The following PLAC1 variants were observed in gnomAD, a reference collection of about 807,000 sequenced individuals.
PLAC1 encodes placenta associated 1.
For synonymous variants in PLAC1, 68 were observed against 62.1 expected, an observed-to-expected ratio of 1.09 and a Z score of -0.44; for missense variants, 136 against 163.2, an observed-to-expected ratio of 0.83 and a Z score of 0.91.
intron 1 of PLAC1, among the ~76,000 whole-genome samples, chrX:134,651,723 C>T (rs1319862970): frequency 9.7e-6 from 1 of 102,683 alleles, no homozygotes; most frequent in Non-Finnish European, 2.0e-5. Context: ...CACCCCCTCA[C>T]CTTTTTCCCC....
intron 1 of PLAC1, among the ~76,000 whole-genome samples, chrX:134,738,041 T>G (rs1358773155): frequency 8.1e-5 from 9 of 111,739 alleles, no homozygotes; most frequent in African/African-American, 2.9e-4. Context: ...ACCAGTGCAC[T>G]TAACCTTCTT....
intron 1 of PLAC1, among the ~76,000 whole-genome samples, chrX:134,749,950 C>A (rs1220062172): frequency 9.0e-6 from 1 of 111,453 alleles, no homozygotes; most frequent in Non-Finnish European, 1.9e-5. Flanking sequence ...GCTTGGAGAA[C>A]AAGCAATGGA....
intron 1 of PLAC1, among the ~76,000 whole-genome samples, chrX:134,611,171 C>T (rs896639772): frequency 6.3e-5 from 7 of 111,058 alleles, no homozygotes; most frequent in African/African-American, 1.6e-4. Flanking sequence ...TCAGCCACCA[C>T]GCTTGGCCTA....
At chrX:134,600,075 G>C (rs1306410440) in intron 2 of PLAC1, among the ~76,000 whole-genome samples, 2 of 110,538 alleles carry the variant, frequency 1.8e-5, no homozygotes, top group African/African-American at 6.6e-5. Context: ...TAATAGGCTG[G>C]AGTGCAGTGG....
At chrX:134,647,270 G>A (rs914013005) in intron 1 of PLAC1, among the ~76,000 whole-genome samples, 4 of 111,723 alleles carry the variant, frequency 3.6e-5, no homozygotes, top group Non-Finnish European at 7.5e-5. Context: ...GCCCCATCCC[G>A]TGGCCTTCTG....
intron 1 of PLAC1, among the ~76,000 whole-genome samples, chrX:134,637,240 C>A (rs1188841792): frequency 9.0e-6 from 1 of 111,325 alleles, no homozygotes; most frequent in African/African-American, 3.3e-5. Context: ...CATAGGGGTG[C>A]AAGAGAATAC....
chrX:134,600,972 T>A (rs2078085906), intron 2 of PLAC1: 1 of 110,761 alleles, frequency 9.0e-6, no homozygotes, highest in Non-Finnish European at 1.9e-5. Context: ...CTCAGCCTGC[T>A]GAGTAGGTAG....
intron 2 of PLAC1, among the ~76,000 whole-genome samples, chrX:134,678,648 CA>C (rs2078483597): frequency 8.9e-6 from 1 of 111,825 alleles, no homozygotes; most frequent in Non-Finnish European, 1.9e-5. Context: ...TCCACGAGAT[CA>C]AGGACTTTGC....
chrX:134,708,750 C>T (rs1378022197), intron 2 of PLAC1, among the ~76,000 whole-genome samples: 1 of 110,776 alleles, frequency 9.0e-6, no homozygotes, highest in African/African-American at 3.3e-5. Flanking sequence ...GTTGGTCAGG[C>T]TGGTCTCGAC....
intron 1 of PLAC1, among the ~76,000 whole-genome samples, chrX:134,613,412 C>T (rs922072851): frequency 9.0e-6 from 1 of 110,600 alleles, no homozygotes. Flanking sequence ...TGTGGAGGTA[C>T]TTTGTCATCC....
chrX:134,687,216 TGCCAA>T (rs1437753596), intron 2 of PLAC1, among the ~76,000 whole-genome samples: 3 of 111,735 alleles, frequency 2.7e-5, no homozygotes, highest in African/African-American at 9.8e-5. Context: ...GTAAACTTCC[TGCCAA>T]AACAAAACTC....
At chrX:134,571,751 G>A (rs915502331) in intron 2 of PLAC1, among the ~76,000 whole-genome samples, 13 of 111,423 alleles carry the variant, frequency 1.2e-4, no homozygotes, top group Non-Finnish European at 1.3e-4. Flanking sequence ...CGCTTTGAAA[G>A]CAGACAGGAT....
intron 2 of PLAC1, among the ~76,000 whole-genome samples, chrX:134,590,293 G>C (rs1302273076): frequency 9.0e-6 from 1 of 111,121 alleles, no homozygotes; most frequent in Non-Finnish European, 1.9e-5. Flanking sequence ...AGTCAATCAG[G>C]GTCTTATTAC....
chrX:134,614,358 G>A (rs754394314), intron 1 of PLAC1, among the ~76,000 whole-genome samples: 304 of 111,043 alleles, frequency 2.7e-3, no homozygotes, highest in Non-Finnish European at 5.0e-3. Context: ...TTTTTGTGTG[G>A]TAAGAGCATC....
chrX:134,686,422 A>C (rs1394499467), intron 2 of PLAC1, among the ~76,000 whole-genome samples: 1 of 111,469 alleles, frequency 9.0e-6, no homozygotes, highest in Non-Finnish European at 1.9e-5. Context: ...GTAAATAAAC[A>C]AAGAAAATAT....
At chrX:134,585,113 C>T (rs1334487699) in intron 2 of PLAC1, among the ~76,000 whole-genome samples, 2 of 96,644 alleles carry the variant, frequency 2.1e-5, no homozygotes, top group Admixed American at 1.3e-4. Context: ...GGGCGGATCA[C>T]GAGGTCAGGA....
At chrX:134,672,292 AG>A (rs1399829316) in intron 2 of PLAC1, among the ~76,000 whole-genome samples, 1 of 110,988 alleles carries the variant, frequency 9.0e-6, no homozygotes, top group African/African-American at 3.3e-5. Flanking sequence ...ACAAATTCCA[AG>A]GGCTTATCAT....
chrX:134,589,321 C>A (rs1156481065), intron 2 of PLAC1, among the ~76,000 whole-genome samples: 1 of 111,509 alleles, frequency 9.0e-6, no homozygotes, highest in Admixed American at 9.5e-5. Flanking sequence ...CTGGGCTCTA[C>A]TGGATGATTT....
chrX:134,668,241 T>C (rs2078443781), intron 2 of PLAC1, among the ~76,000 whole-genome samples: 1 of 112,457 alleles, frequency 8.9e-6, no homozygotes, highest in Admixed American at 9.4e-5. Context: ...AGATCACATA[T>C]ACACGATTCC....
Sources: gnomAD v4.1 joint callset for allele counts (sites outside exome capture counted in the v4.1 genomes callset) on GRCh38, gnomAD v4.1.1 for gene constraint, MANE v1.5 for transcripts, NCBI Gene and HGNC (gene_info 2026-07-23, HGNC 2026-07-21) for gene names.